PPIP5K2: variants seen among roughly 807,000 people sequenced by gnomAD.
PPIP5K2 encodes inositol hexakisphosphate and diphosphoinositol-pentakisphosphate kinase 2.
PPIP5K2 carries 105 observed loss-of-function variants against 154.6 expected under a neutral mutation model. The observed-to-expected ratio is 0.68, with a 90% CI of 0.58 to 0.80. The LOEUF (loss-of-function observed/expected upper bound fraction) is 0.80. Ranked by LOEUF, PPIP5K2 falls within the 30% of genes least tolerant of loss-of-function variation. PPIP5K2 has a pLI of 0.00. For synonymous variants in PPIP5K2, 480 were observed against 490.3 expected, an observed-to-expected ratio of 0.98 and a Z score of 0.28; for missense variants, 992 against 1,504.6, an observed-to-expected ratio of 0.66 and a Z score of 5.64.
intron 17 of PPIP5K2, among the ~76,000 whole-genome samples, chr5:103,166,151 A>G (rs1797086648): frequency 6.6e-6 from 1 of 152,112 alleles, no homozygotes; most frequent in African/African-American, 2.4e-5. Flanking sequence ...AGACTGGTCA[A>G]GAGCAGAGGT....
chr5:103,134,023 A>C (rs1791072539), intron 3 of PPIP5K2, among the ~76,000 whole-genome samples: 1 of 152,092 alleles, frequency 6.6e-6, no homozygotes, highest in Admixed American at 6.5e-5. Flanking sequence ...TCCAGTTTTC[A>C]CTATTAAAAA....
rs1554232428 is a variant in PPIP5K2 at position 103,208,906 on chromosome 5, A to T, written c.*7272A>T. 4 of 152,112 alleles carry T rather than the reference A, an allele frequency of 2.6e-5. No individual in the cohort carries two copies. Among genetic ancestry groups the T allele is most frequent in the Non-Finnish European group, 5.9e-5 (4 of 68,018 alleles). The allele number at this position is 152,112 out of a possible 1,614,324, so 9.4% of individuals were successfully genotyped here. A position where few individuals can be genotyped will look rare whatever the true frequency, so the allele number is the denominator to read the frequency against. Reference sequence around the variant, plus strand: ...TCTTCATATTTGATGATAATTTTTTAAATTAAGACCTAATTTCTCCTTCAT... The same window carrying T: ...TCTTCATATTTGATGATAATTTTTTTAATTAAGACCTAATTTCTCCTTCAT... On this transcript the variant is annotated 3_prime_UTR_variant, in exon 31 of 31. Transcript: ENST00000358359.
intron 19 of PPIP5K2, 143 bp downstream of exon 19, chr5:103,168,438 T>C: frequency 1.5e-6 from 1 of 648,442 alleles, no homozygotes. Context: ...TATGAATTTA[T>C]ATTTTAAGGT....
In PPIP5K2 at chr5:103,153,952, T is replaced by C; in HGVS notation, c.1217+18T>C. 1 of 1,516,028 alleles carries C rather than the reference T, an allele frequency of 6.6e-7. No individual in the cohort carries two copies. The highest frequency in any genetic ancestry group is 2.3e-5 in the East Asian group (1 of 43,886). 93.9% of individuals were successfully genotyped at this position (1,516,028 alleles called of 1,614,324 possible). ...CATCAGAAGTATGTTTTCAGATGAATAATTTAACATGCATGATACAATTTT... is the reference window on the plus strand; with the variant it reads ...CATCAGAAGTATGTTTTCAGATGAACAATTTAACATGCATGATACAATTTT... On this transcript the variant is annotated intron_variant, in intron 11 of 30. Coordinates refer to ENST00000358359, the MANE Select transcript of PPIP5K2 (RefSeq NM_001276277.3).
intron 28 of PPIP5K2, among the ~76,000 whole-genome samples, chr5:103,188,010 AC>A (rs1800673531): frequency 6.6e-6 from 1 of 152,148 alleles, no homozygotes; most frequent in African/African-American, 2.4e-5. Flanking sequence ...TCCTTTTAGT[AC>A]CACTGCTTTT....
intron 5 of PPIP5K2, among the ~76,000 whole-genome samples, chr5:103,141,527 T>C (rs1031677234): frequency 1.1e-4 from 16 of 152,140 alleles, no homozygotes; most frequent in African/African-American, 3.6e-4. Context: ...ATCCTGCTGA[T>C]TGGTAGAGCC....
At chr5:103,198,661 A>G (rs1562517472) in intron 30 of PPIP5K2, among the ~76,000 whole-genome samples, 1 of 152,066 alleles carries the variant, frequency 6.6e-6, no homozygotes, top group Non-Finnish European at 1.5e-5. Context: ...TTTTCTCTTT[A>G]ATTTCCAGTA....
At chr5:103,157,675 C>G (rs1487612242) in intron 14 of PPIP5K2, among the ~76,000 whole-genome samples, 3 of 149,564 alleles carry the variant, frequency 2.0e-5, no homozygotes, top group African/African-American at 7.4e-5. Context: ...GCACTCCAGC[C>G]AGGGCGACCA....
In PPIP5K2 at chr5:103,159,239, T is replaced by A; in HGVS notation, c.1831T>A (p.Ser611Thr). 1 of 1,613,102 alleles carries A rather than the reference T, an allele frequency of 6.2e-7. No homozygotes were observed. The highest frequency in any genetic ancestry group is 8.5e-7 in the Non-Finnish European group (1 of 1,179,214). Residue 611 changes from serine to threonine, a missense_variant, in exon 17 of 31, where the codon TCT becomes ACT. Physicochemically the swap from Ser to Thr is moderately conservative, Grantham distance 58. Around this residue, in one of 9 missense-constraint regions of PPIP5K2, gnomAD observed 82 missense variants for 91.8 expected, o/e 0.89. Transcript: ENST00000358359. ...MNGLLDSDSD[S>T]LSSCQQRVKA... ...CGGTCTTTTGGATAGTGATAGTGAC[T>A]CTCTGAGCAGTTGTCAGCAACGTGT...
intron 14 of PPIP5K2, 64 bp from the exon 15 acceptor site, chr5:103,158,124 G>T (rs1795698551): frequency 2.0e-6 from 3 of 1,527,374 alleles, no homozygotes; most frequent in Non-Finnish European, 2.7e-6. Flanking sequence ...AGAAAAAAAT[G>T]AATCTTAAGT....
At chr5:103,138,043 A>C (rs1554205045) in intron 4 of PPIP5K2, among the ~76,000 whole-genome samples, 1 of 152,170 alleles carries the variant, frequency 6.6e-6, no homozygotes, top group East Asian at 1.9e-4. Flanking sequence ...CTATTTAAGC[A>C]TAAGGCTTTT....
intron 5 of PPIP5K2, among the ~76,000 whole-genome samples, chr5:103,143,076 GTCA>G (rs1201673821): frequency 1.3e-5 from 2 of 152,084 alleles, no homozygotes; most frequent in Non-Finnish European, 2.9e-5. Context: ...GAGTTAAGTT[GTCA>G]TCAATTTAAA....
At chr5:103,145,390 T>G (rs1793591731) in intron 5 of PPIP5K2, among the ~76,000 whole-genome samples, 1 of 152,120 alleles carries the variant, frequency 6.6e-6, no homozygotes, top group Admixed American at 6.5e-5. Context: ...GCAATCCCAC[T>G]GCTGGGTATA....
At chr5:103,172,552 T>A (rs933086034) in intron 19 of PPIP5K2, among the ~76,000 whole-genome samples, 3 of 151,604 alleles carry the variant, frequency 2.0e-5, no homozygotes, top group African/African-American at 7.3e-5. Flanking sequence ...GAACTATAAT[T>A]TTCATTGCAA....
intron 28 of PPIP5K2, among the ~76,000 whole-genome samples, chr5:103,189,743 TCTAA>T (rs1373377760): frequency 6.6e-6 from 1 of 152,102 alleles, no homozygotes; most frequent in Non-Finnish European, 1.5e-5. Flanking sequence ...GTTTCCTTAT[TCTAA>T]CTGAGAATTA....
intron 5 of PPIP5K2, among the ~76,000 whole-genome samples, chr5:103,144,049 C>A (rs1041635835): frequency 8.6e-5 from 13 of 151,784 alleles, no homozygotes; most frequent in Non-Finnish European, 1.2e-4. Flanking sequence ...AGAGTCTTTA[C>A]CACAAAACTA....
intron 10 of PPIP5K2, among the ~76,000 whole-genome samples, chr5:103,153,219 A>T (rs989933826): frequency 4.6e-5 from 7 of 151,828 alleles, no homozygotes; most frequent in African/African-American, 1.4e-4. Flanking sequence ...GATGGGGGGA[A>T]CTAATTTTGT....
intron 21 of PPIP5K2, among the ~76,000 whole-genome samples, 196 bp from the exon 22 acceptor site, chr5:103,177,471 A>G (rs1554221340): frequency 6.6e-6 from 1 of 152,018 alleles, no homozygotes; most frequent in Non-Finnish European, 1.5e-5. Flanking sequence ...GATTTTAAAA[A>G]TATTTTATCA....
At chr5:103,122,038 T>A (rs1160970477) in intron 1 of PPIP5K2, among the ~76,000 whole-genome samples, 1 of 152,134 alleles carries the variant, frequency 6.6e-6, no homozygotes, top group Non-Finnish European at 1.5e-5. Flanking sequence ...GTACTTAGAG[T>A]TGAAGTGTGT....
Sources: allele counts gnomAD v4.1 joint callset (sites outside exome capture counted in the v4.1 genomes callset), GRCh38; gene constraint gnomAD v4.1.1; regional missense constraint gnomAD v4.1.1; transcripts MANE v1.5; gene names NCBI Gene and HGNC (gene_info 2026-07-23, HGNC 2026-07-21).